ADGRE3: variants seen among roughly 807,000 people sequenced by gnomAD.
ADGRE3 encodes the protein adhesion G protein-coupled receptor E3.
ADGRE3 carries 88 observed loss-of-function variants against 80.1 expected under a neutral mutation model. That is an observed-to-expected ratio of 1.10 (90% confidence interval 0.93 to 1.31). The LOEUF is 1.31. Ranked by LOEUF, ADGRE3 falls within the 40% of genes most tolerant of loss-of-function variation. The probability of loss-of-function intolerance (pLI) is 0.00; values close to 1 mark genes in which losing one functional copy is unlikely to be tolerated. For missense variants in ADGRE3, 715 were observed against 776.5 expected (o/e 0.92, Z 0.94); for synonymous variants, 281 against 294.8 (o/e 0.95, Z 0.48).
At position 14,621,936 on chromosome 19, in the gene ADGRE3, C is replaced by CT; in HGVS notation, c.1921-2466_1921-2465insA. 1.9e-6 allele frequency: 2 copies of CT among 1,029,628 alleles called. 1 individual carries two copies. The highest frequency in any genetic ancestry group is 2.7e-6 in the Non-Finnish European group (2 of 736,612). 63.8% of individuals were successfully genotyped at this position (1,029,628 alleles called of 1,614,324 possible). A position where few individuals can be genotyped will look rare whatever the true frequency, so the allele number is the denominator to read the frequency against. Reference sequence around the variant, plus strand: ...GAATACGTAAAATAGAACCAACAGTCGTCAACATCCTTCTCCTTACAATGG... The same window carrying CT: ...GAATACGTAAAATAGAACCAACAGTCTGTCAACATCCTTCTCCTTACAATGG... On this transcript the variant is annotated intron_variant, in intron 15 of 15. Transcript: ENST00000253673.
chr19:14,661,881 T>C, intron 4 of ADGRE3, 82 bp downstream of exon 4: 1 of 1,483,094 alleles, frequency 6.7e-7, no homozygotes, highest in South Asian at 1.2e-5. Flanking sequence ...CGAGACTCTG[T>C]CTCAAAACAA....
chr19:14,668,143 C>A (rs373135069), intron 2 of ADGRE3, among the ~76,000 whole-genome samples: 1 of 152,110 alleles, frequency 6.6e-6, no homozygotes, highest in East Asian at 1.9e-4. Flanking sequence ...CCCAGCTACT[C>A]GGGAGGCTGA....
rs1437671172 is a variant in ADGRE3, at chr19:14,665,955, T to C, written c.77-2415A>G. On this transcript the variant is annotated intron_variant, in intron 2 of 15. Transcript: ENST00000253673. ...ATATGTGTATATATATATATATATA[T>C]ATATATATATATATATATATATAGT... 7.1e-4 allele frequency among the ~76,000 whole-genome samples: 86 copies of C among 120,616 alleles called. 9 individuals are homozygous for C. The highest frequency in any genetic ancestry group is 1.9e-3 in the East Asian group (7 of 3,678). The allele number at this position is 120,616 out of a possible 152,430, so 79.1% of individuals were successfully genotyped here. A position where few individuals can be genotyped will look rare whatever the true frequency, so the allele number is the denominator to read the frequency against.
Position 14,620,566 on chromosome 19 carries a change from ATAT to A in ADGRE3, c.1921-1098_1921-1096del, listed in dbSNP as rs1277139844. ...ATATATATTATATATATATATATAT[ATAT>A]TTTTTTTTTTTTTTTTTTTTTTTTT... On this transcript the variant is annotated intron_variant, in intron 15 of 15. Coordinates refer to ENST00000253673, the MANE Select transcript of ADGRE3 (RefSeq NM_032571.5). 1.9e-4 allele frequency among the ~76,000 whole-genome samples: 3 copies of A among 16,052 alleles called. 1 individual carries two copies. Among genetic ancestry groups the A allele is most frequent in the African/African-American group, 7.4e-4 (3 of 4,054 alleles). 10.5% of individuals were successfully genotyped at this position (16,052 alleles called of 152,430 possible).
chr19:14,668,846 C>T lies in ADGRE3; in HGVS notation c.32G>A (p.Cys11Tyr). Residue 11 changes from cysteine to tyrosine, a missense_variant, in exon 2 of 16, where the codon TGC becomes TAC. Coordinates refer to ENST00000253673, the MANE Select transcript of ADGRE3 (RefSeq NM_032571.5). MQGPLLLPGL[C>Y]FLLSLFGAVT... ...AGCTCCAAAGAGGCTCAGCAGAAAG[C>T]AGAGGCCTGGAATAGATGGGAAACA... 1 of 1,613,994 alleles carries T rather than the reference C, an allele frequency of 6.2e-7. No homozygotes were observed. Among genetic ancestry groups the T allele is most frequent in the Non-Finnish European group, 8.5e-7 (1 of 1,179,964 alleles).
rs190654696 is a variant in ADGRE3, at chr19:14,620,901, C to A, written c.1921-1430G>T. On this transcript the variant is annotated intron_variant, in intron 15 of 15. Coordinates refer to ENST00000253673, the MANE Select transcript of ADGRE3 (RefSeq NM_032571.5). ...ATTTTCCTTATTTCATTGTGGAGAA[C>A]CAATAACTGGAATGCTGGCAGCTTT... Among the ~76,000 whole-genome samples, 45 of 152,036 alleles carry A rather than the reference C, an allele frequency of 3.0e-4. No individual in the cohort carries two copies. The East Asian group carries it at 8.1e-3, about 27-fold the overall frequency.
intron 7 of ADGRE3, 91 bp downstream of exon 7, chr19:14,650,994 T>G: frequency 2.2e-6 from 3 of 1,358,958 alleles, no homozygotes; most frequent in Non-Finnish European, 3.1e-6. Flanking sequence ...AAAAAGCCCA[T>G]GAGGGGAGAG....
intron 5 of ADGRE3, 48 bp downstream of exon 5, chr19:14,658,465 A>C (rs761547277): frequency 3.5e-5 from 51 of 1,449,430 alleles, no homozygotes; most frequent in Non-Finnish European, 4.5e-5. Context: ...AATATTTGTT[A>C]CTGATGTTTG....
At position 14,644,123 on chromosome 19, in the gene ADGRE3, C is replaced by T. The variant is rs1971332271; in HGVS notation, c.1035G>A (p.Met345Ile). The part of the protein sequence containing the change: ...CSHLSSFAVL[M>I]ALTSQEEDPV... ...TACATCATACCTGGCTGGTCAGGGCCATCAGGACAGCGAAGCTGGACAGGT... is the reference window on the plus strand; with the variant it reads ...TACATCATACCTGGCTGGTCAGGGCTATCAGGACAGCGAAGCTGGACAGGT... The change falls in exon 9 of 16, where the codon ATG becomes ATA. Residue 345 changes from methionine (M) to isoleucine (I), a missense_variant. Coordinates refer to ENST00000253673, the MANE Select transcript of ADGRE3 (RefSeq NM_032571.5). 1 of 1,557,010 alleles carries T rather than the reference C, an allele frequency of 6.4e-7. No homozygotes were observed. The highest frequency in any genetic ancestry group is 8.7e-7 in the Non-Finnish European group (1 of 1,152,008).
chr19:14,627,051 C>T (rs559503701), intron 14 of ADGRE3, among the ~76,000 whole-genome samples: 18 of 152,282 alleles, frequency 1.2e-4, no homozygotes, highest in Admixed American at 7.2e-4. Flanking sequence ...TCTGCCACAC[C>T]GTGATATCCT....
chr19:14,652,776 CA>C lies in ADGRE3; in HGVS notation c.578-1573del, dbSNP rs34330214. 7.4e-3 allele frequency among the ~76,000 whole-genome samples: 464 copies of C among 62,374 alleles called. 3 individuals carry two copies. The highest frequency in any genetic ancestry group is 0.011 in the Middle Eastern group (1 of 94). 40.9% of individuals were successfully genotyped at this position (62,374 alleles called of 152,430 possible). ...TGGGCAATAGAATGAGACTCCATCT[CA>C]AAAAAAAAAAAAGAAAAAAAAAAAA... On this transcript the variant is annotated intron_variant, in intron 6 of 15. Transcript: ENST00000253673.
intron 11 of ADGRE3, among the ~76,000 whole-genome samples, chr19:14,635,642 A>G (rs1466670672): frequency 2.0e-5 from 3 of 148,632 alleles, no homozygotes; most frequent in Non-Finnish European, 4.5e-5. Flanking sequence ...TGAACTCCTG[A>G]CCTCAGGTCA....
At position 14,638,266 on chromosome 19, in the gene ADGRE3, AC is replaced by A; in HGVS notation, c.1322del (p.Gly441ValfsTer11). On this transcript the variant is annotated frameshift_variant, in exon 11 of 16. Transcript: ENST00000253673. LOFTEE classifies it high-confidence loss of function. Reference sequence around the variant, plus strand: ...TCCGTGCAGTGAGGAAGAGGTGCACACCCTCCAGCAGCATCCAGGTGAAGGC... The same window carrying A: ...TCCGTGCAGTGAGGAAGAGGTGCACACCTCCAGCAGCATCCAGGTGAAGGC... Reference protein sequence around the residue: ...LAAFTWMLLEGVHLFLTARNL... With the variant: ...LAAFTWMLLEXVHLFLTARNL... The A allele has an allele frequency of 6.2e-7, 1 of 1,613,952 alleles. No individual in the cohort carries two copies. The highest frequency in any genetic ancestry group is 2.2e-5 in the East Asian group (1 of 44,850).
At chr19:14,612,861 G>A in the ADGRE3 span, among the ~76,000 whole-genome samples, 1 of 151,944 alleles carries the variant, frequency 6.6e-6, no homozygotes, top group East Asian at 1.9e-4. Flanking sequence ...ACTCAACATA[G>A]TATTCCCTTT....
chr19:14,640,455 A>G (rs953811821), intron 10 of ADGRE3, among the ~76,000 whole-genome samples: 1 of 151,674 alleles, frequency 6.6e-6, no homozygotes, highest in African/African-American at 2.4e-5. Flanking sequence ...ACGCTGGGCT[A>G]ATATTTTGTA....
chr19:14,661,789 A>T (rs1050083714), intron 4 of ADGRE3, among the ~76,000 whole-genome samples, 174 bp downstream of exon 4: 7 of 152,158 alleles, frequency 4.6e-5, no homozygotes, highest in African/African-American at 1.7e-4. Flanking sequence ...AATCTCAGCT[A>T]CTTGGGAGGC....
In ADGRE3 at chr19:14,665,960, A is replaced by ATATATATATATATG. The variant is rs1972091879; in HGVS notation, c.77-2421_77-2420insCATATATATATATA. Among the ~76,000 whole-genome samples the ATATATATATATATG allele has an allele frequency of 8.0e-5, 10 of 125,328 alleles. No individual in the cohort carries two copies. In the South Asian group the frequency reaches 2.2e-3, roughly 28 times the overall value. The allele number at this position is 125,328 out of a possible 152,430, so 82.2% of individuals were successfully genotyped here. A position where few individuals can be genotyped will look rare whatever the true frequency, so the allele number is the denominator to read the frequency against. On this transcript the variant is annotated intron_variant, in intron 2 of 15. Coordinates refer to ENST00000253673, the MANE Select transcript of ADGRE3 (RefSeq NM_032571.5). ...TGTATATATATATATATATATATAT[A>ATATATATATATATG]TATATATATATATATATAGTGTTTT...
chr19:14,653,614 C>T (rs1239077226), intron 6 of ADGRE3, among the ~76,000 whole-genome samples: 1 of 151,950 alleles, frequency 6.6e-6, no homozygotes, highest in Non-Finnish European at 1.5e-5. Context: ...ACTCTGTTGT[C>T]CAGGCTGGAG....
chr19:14,614,541 A>C (rs1467717813), downstream of ADGRE3, among the ~76,000 whole-genome samples: 2 of 151,710 alleles, frequency 1.3e-5, no homozygotes, highest in Non-Finnish European at 2.9e-5. Context: ...AATCTTCACC[A>C]TGACTTTGTG....
Sources: allele counts gnomAD v4.1 joint callset (sites outside exome capture counted in the v4.1 genomes callset), GRCh38; gene constraint gnomAD v4.1.1; transcripts MANE v1.5; gene names NCBI Gene and HGNC (gene_info 2026-07-23, HGNC 2026-07-21).